The following RIC3 variants were observed in gnomAD, a reference collection of about 807,000 sequenced individuals.
RIC3 encodes the protein protein RIC-3.
RIC3 carries 28 observed loss-of-function variants against 27.3 expected under a neutral mutation model. The observed-to-expected ratio is 1.02, with a 90% CI of 0.76 to 1.41. RIC3 has a LOEUF of 1.41. Ranked by LOEUF, RIC3 falls within the 40% of genes most tolerant of loss-of-function variation. The probability of loss-of-function intolerance (pLI) is 0.00; values close to 1 mark genes in which losing one functional copy is unlikely to be tolerated. For synonymous variants in RIC3, 184 were observed against 160.4 expected (o/e 1.15, Z -1.11); for missense variants, 501 against 444.7 (o/e 1.13, Z -1.14).
intron 1 of RIC3, among the ~76,000 whole-genome samples, chr11:8,149,060 G>A (rs907816816): frequency 1.9e-4 from 28 of 150,916 alleles, no homozygotes; most frequent in Non-Finnish European, 3.1e-4. Flanking sequence ...GGGTATGGTG[G>A]CGGGCACCTG....
rs554841698 is a variant in RIC3 at position 8,107,638 on chromosome 11, C to A, written c.*3060G>T. 1 of 152,292 alleles carries A rather than the reference C, an allele frequency of 6.6e-6. No homozygotes were observed. Among genetic ancestry groups the A allele is most frequent in the South Asian group, 2.1e-4 (1 of 4,824 alleles). The allele number at this position is 152,292 out of a possible 1,614,324, so 9.4% of individuals were successfully genotyped here. On this transcript the variant is annotated 3_prime_UTR_variant, in exon 6 of 6. Coordinates refer to ENST00000309737, the MANE Select transcript of RIC3 (RefSeq NM_001206671.4). Reference sequence around the variant, plus strand: ...GGCCGTTGATTCTACAGGCCAAATACACCTCCACTCCTCATCACGACTCCC... The same window carrying A: ...GGCCGTTGATTCTACAGGCCAAATAAACCTCCACTCCTCATCACGACTCCC...
the RIC3 span, chr11:8,098,980 G>GCTGTGTGGAGAGGGGCTGTC: frequency 4.7e-6 from 4 of 852,858 alleles, no homozygotes; most frequent in South Asian, 3.0e-5. Context: ...GGTAGACAAG[G>GCTGTGTGGAGAGGGGCTGTC]CTGTGTGGAG....
In RIC3 at chr11:8,110,886, GAAAA is replaced by G; in HGVS notation, c.918_921del (p.Phe307MetfsTer53). ...AAGACAGCAGGATCCTCGTCTTCAT[GAAAA>G]CAGCAGGAACATGTTTCTGGCTTTG... On this transcript the variant is annotated frameshift_variant, in exon 6 of 6. Transcript: ENST00000309737. LOFTEE classifies it low-confidence loss of function (END_TRUNC). 6.2e-7 allele frequency: 1 copy of G among 1,614,182 alleles called. No individual in the cohort carries two copies. The highest frequency in any genetic ancestry group is 8.5e-7 in the Non-Finnish European group (1 of 1,180,038).
chr11:8,140,005 A>C lies in RIC3; in HGVS notation c.313T>G (p.Phe105Val). Reference sequence around the variant, plus strand: ...TACAGTATATATAAAAAAATCCCAAAACCGTAGATTGGAATAATCTGCCCC... The same window carrying C: ...TACAGTATATATAAAAAAATCCCAACACCGTAGATTGGAATAATCTGCCCC... The part of the protein sequence containing the change: ...LMGQIIPIYG[F>V]GIFLYILYIL... The change falls in exon 2 of 6, where the codon TTT becomes GTT. Residue 105 changes from phenylalanine (F) to valine (V), a missense_variant. Coordinates refer to ENST00000309737, the MANE Select transcript of RIC3 (RefSeq NM_001206671.4). The C allele has an allele frequency of 6.2e-7, 1 of 1,614,104 alleles. No homozygotes were observed. The highest frequency in any genetic ancestry group is 8.5e-7 in the Non-Finnish European group (1 of 1,180,030).
Position 8,110,574 on chromosome 11 carries a change from T to A in RIC3, c.*124A>T. The stretch of plus-strand genomic sequence containing the variant: ...GAAGGATACATGATATCCATGATAG[T>A]GGCCTGATAGCTATGACACTTGAAC... On this transcript the variant is annotated 3_prime_UTR_variant, in exon 6 of 6. Coordinates refer to ENST00000309737, the MANE Select transcript of RIC3 (RefSeq NM_001206671.4). The A allele has an allele frequency of 1.2e-6, 1 of 846,800 alleles. No homozygotes were observed. The highest frequency in any genetic ancestry group is 2.4e-5 in the East Asian group (1 of 41,044). 52.5% of individuals were successfully genotyped at this position (846,800 alleles called of 1,614,324 possible).
At chr11:8,137,555 T>G in intron 3 of RIC3, 84 bp from the exon 4 acceptor site, 1 of 1,000,076 alleles carries the variant, frequency 1.0e-6, no homozygotes, top group Non-Finnish European at 1.5e-6. Flanking sequence ...AAAAAGCTAT[T>G]GTACTGTCTA....
At chr11:8,136,260 C>T (rs1258283167) in intron 4 of RIC3, among the ~76,000 whole-genome samples, 1 of 152,176 alleles carries the variant, frequency 6.6e-6, no homozygotes, top group Non-Finnish European at 1.5e-5. Context: ...GCACAGCGTA[C>T]TAGTACTATA....
intron 1 of RIC3, among the ~76,000 whole-genome samples, chr11:8,162,340 G>A (rs1164767835): frequency 6.6e-6 from 1 of 152,204 alleles, no homozygotes. Flanking sequence ...TGAACCCAAT[G>A]ACAATGACTT....
intron 4 of RIC3, among the ~76,000 whole-genome samples, chr11:8,128,814 G>A (rs1947313107): frequency 6.8e-6 from 1 of 146,810 alleles, no homozygotes; most frequent in African/African-American, 2.6e-5. Flanking sequence ...GAGTGCAGTG[G>A]CGCCACCTCA....
intron 1 of RIC3, among the ~76,000 whole-genome samples, chr11:8,167,058 A>T (rs1269586245): frequency 2.6e-5 from 4 of 152,212 alleles, no homozygotes; most frequent in Admixed American, 2.0e-4. Context: ...GGAATGTACC[A>T]TTCAAGGTAA....
At chr11:8,138,414 T>G in intron 2 of RIC3, 67 bp from the exon 3 acceptor site, 1 of 893,770 alleles carries the variant, frequency 1.1e-6, no homozygotes, top group Admixed American at 2.5e-5. Flanking sequence ...ACCCCTCATA[T>G]CAAACAAAAA....
At chr11:8,149,787 G>A (rs1264516280) in intron 1 of RIC3, among the ~76,000 whole-genome samples, 2 of 152,056 alleles carry the variant, frequency 1.3e-5, no homozygotes, top group Non-Finnish European at 2.9e-5. Flanking sequence ...CCCTTCCCTC[G>A]CAAACCACGA....
chr11:8,164,780 T>TAAA (rs1951519580), intron 1 of RIC3, among the ~76,000 whole-genome samples: 1 of 50,470 alleles, frequency 2.0e-5, no homozygotes, highest in Non-Finnish European at 3.5e-5. Context: ...CCTGTCTCTC[T>TAAA]CAAAAAAAAA....
intron 4 of RIC3, among the ~76,000 whole-genome samples, chr11:8,131,020 G>C (rs1263191255): frequency 6.6e-6 from 1 of 152,150 alleles, no homozygotes; most frequent in Non-Finnish European, 1.5e-5. Flanking sequence ...AATCTGTTTG[G>C]AAAACAGAAA....
At chr11:8,155,346 C>T (rs888953326) in intron 1 of RIC3, among the ~76,000 whole-genome samples, 5 of 151,836 alleles carry the variant, frequency 3.3e-5, no homozygotes, top group Non-Finnish European at 5.9e-5. Flanking sequence ...GAGGCCAAGG[C>T]GGGCAGATCA....
At chr11:8,099,332 C>T in the RIC3 span, among the ~76,000 whole-genome samples, 9 of 152,290 alleles carry the variant, frequency 5.9e-5, no homozygotes, top group African/African-American at 1.7e-4. Context: ...AGCTCAAAAA[C>T]GACCAAACTG....
intron 1 of RIC3, among the ~76,000 whole-genome samples, chr11:8,163,618 GAATAA>G (rs1311454292): frequency 6.6e-6 from 1 of 151,672 alleles, no homozygotes; most frequent in Admixed American, 6.6e-5. Flanking sequence ...ACATCAAAAA[GAATAA>G]AATACTTATG....
intron 4 of RIC3, among the ~76,000 whole-genome samples, chr11:8,137,062 T>C (rs11823252): frequency 0.013 from 2,023 of 152,328 alleles, 53 homozygotes; most frequent in African/African-American, 0.046. Flanking sequence ...TTCGCTCTCA[T>C]TGCCCAGGCT....
chr11:8,104,141 G>T (rs1022872593), downstream of RIC3: 1 of 152,264 alleles, frequency 6.6e-6, no homozygotes, highest in African/African-American at 2.4e-5. Context: ...AACCACCTGG[G>T]TTCAGCCTCT....
Sources: allele counts gnomAD v4.1 joint callset (sites outside exome capture counted in the v4.1 genomes callset), GRCh38; gene constraint gnomAD v4.1.1; transcripts MANE v1.5; gene names NCBI Gene and HGNC (gene_info 2026-07-23, HGNC 2026-07-21).